DYNC1I1: variants seen among roughly 807,000 people sequenced by gnomAD.
The protein encoded by DYNC1I1 is dynein cytoplasmic 1 intermediate chain 1.
DYNC1I1 carries 43 observed loss-of-function variants against 86.6 expected under a neutral mutation model. The observed-to-expected ratio is 0.50, with a 90% CI of 0.39 to 0.64. DYNC1I1 has a LOEUF of 0.64. DYNC1I1 is among the 30% of genes least tolerant of loss of function. DYNC1I1 has a pLI of 0.00. For missense variants in DYNC1I1, 604 were observed against 788.8 expected, an observed-to-expected ratio of 0.77 and a Z score of 2.81; for synonymous variants, 262 against 283.7, an observed-to-expected ratio of 0.92 and a Z score of 0.77.
chr7:95,929,719 T>C (rs2116404765), intron 6 of DYNC1I1, among the ~76,000 whole-genome samples: 1 of 152,348 alleles, frequency 6.6e-6, no homozygotes, highest in African/African-American at 2.4e-5. Flanking sequence ...CATCATAGAT[T>C]AGTTATGCCC....
At chr7:96,045,347 G>A (rs548721614) in intron 14 of DYNC1I1, among the ~76,000 whole-genome samples, 6 of 152,302 alleles carry the variant, frequency 3.9e-5, no homozygotes, top group African/African-American at 1.4e-4. Flanking sequence ...GGAATTCACT[G>A]CAAATGAGGA....
chr7:95,935,145 T>C (rs1792005655), intron 6 of DYNC1I1, among the ~76,000 whole-genome samples: 1 of 151,958 alleles, frequency 6.6e-6, no homozygotes, highest in South Asian at 2.1e-4. Flanking sequence ...CCCCTCCCCC[T>C]CAGCCTGTTT....
At chr7:95,793,379 G>A (rs1453182725) in intron 1 of DYNC1I1, among the ~76,000 whole-genome samples, 3 of 152,112 alleles carry the variant, frequency 2.0e-5, no homozygotes, top group African/African-American at 7.2e-5. Flanking sequence ...AGGACTGGAT[G>A]AGAGGAAGTC....
intron 5 of DYNC1I1, among the ~76,000 whole-genome samples, chr7:95,861,137 A>C (rs1789866420): frequency 6.6e-6 from 1 of 152,050 alleles, no homozygotes; most frequent in Admixed American, 6.6e-5. Context: ...TTCTGATTCA[A>C]GCTCCTGCCT....
chr7:95,962,864 T>A (rs766689592), intron 6 of DYNC1I1, among the ~76,000 whole-genome samples: 8 of 152,180 alleles, frequency 5.3e-5, no homozygotes, highest in Non-Finnish European at 1.2e-4. Context: ...ATGGCACTAC[T>A]AATTACCCAG....
At chr7:95,879,297 T>C (rs1790389746) in intron 6 of DYNC1I1, among the ~76,000 whole-genome samples, 1 of 152,204 alleles carries the variant, frequency 6.6e-6, no homozygotes, top group Admixed American at 6.5e-5. Context: ...CTATAACTTA[T>C]AGAAAGGTAA....
chr7:95,872,418 A>G (rs1289579753), intron 6 of DYNC1I1, among the ~76,000 whole-genome samples: 5 of 152,182 alleles, frequency 3.3e-5, no homozygotes, highest in Admixed American at 3.3e-4. Context: ...CAAACTAATG[A>G]TCTCAGAGCA....
chr7:96,036,237 TC>T (rs1794924402), intron 13 of DYNC1I1, among the ~76,000 whole-genome samples: 1 of 152,140 alleles, frequency 6.6e-6, no homozygotes, highest in African/African-American at 2.4e-5. Context: ...AGAAAACCAC[TC>T]CCACCTTTAA....
At chr7:95,783,781 G>C (rs1291623770) in intron 1 of DYNC1I1, among the ~76,000 whole-genome samples, 2 of 152,170 alleles carry the variant, frequency 1.3e-5, no homozygotes, top group Non-Finnish European at 2.9e-5. Context: ...ATGACCTCTG[G>C]AAATAAGATT....
chr7:96,061,556 C>T (rs527283829), intron 14 of DYNC1I1, among the ~76,000 whole-genome samples: 1 of 152,182 alleles, frequency 6.6e-6, no homozygotes, highest in Admixed American at 6.5e-5. Context: ...GCAGTCATGC[C>T]AGGCAAGCAG....
chr7:95,916,764 C>G (rs996038655), intron 6 of DYNC1I1, among the ~76,000 whole-genome samples: 2 of 152,180 alleles, frequency 1.3e-5, no homozygotes, highest in Non-Finnish European at 2.9e-5. Flanking sequence ...AAAAAATGGC[C>G]AGTAGAGGGC....
intron 6 of DYNC1I1, among the ~76,000 whole-genome samples, chr7:95,955,802 A>G (rs1792695937): frequency 6.6e-6 from 1 of 152,230 alleles, no homozygotes; most frequent in Non-Finnish European, 1.5e-5. Context: ...CATAGCCTAC[A>G]GTAGTTTTCT....
At chr7:95,775,543 C>T (rs1793819202) in intron 1 of DYNC1I1, among the ~76,000 whole-genome samples, 1 of 152,212 alleles carries the variant, frequency 6.6e-6, no homozygotes, top group African/African-American at 2.4e-5. Flanking sequence ...GTTTGCTCTC[C>T]AATTTCAGTG....
chr7:95,863,195 T>C (rs1318859045), intron 5 of DYNC1I1, among the ~76,000 whole-genome samples: 1 of 152,284 alleles, frequency 6.6e-6, no homozygotes, highest in East Asian at 1.9e-4. Flanking sequence ...ATAGAAAGAA[T>C]GACATAATGA....
intron 10 of DYNC1I1, among the ~76,000 whole-genome samples, chr7:95,998,384 C>T (rs1264044835): frequency 6.6e-6 from 1 of 152,224 alleles, no homozygotes; most frequent in South Asian, 2.1e-4. Flanking sequence ...ATCGATTAGA[C>T]ATGGTTCTAG....
chr7:96,035,723 TAC>T lies in DYNC1I1; in HGVS notation c.1337_1338del (p.Thr446SerfsTer15). 6.2e-7 allele frequency: 1 copy of T among 1,611,458 alleles called. No individual in the cohort carries two copies. The highest frequency in any genetic ancestry group is 8.5e-7 in the Non-Finnish European group (1 of 1,178,948). ...NNFVVGSEEG[T>X]VYTACRHGSK... ...ACTTCGTGGTTGGCAGTGAGGAAGG[TAC>T]AGTCTACACGGCTTGTCGTCATGGA... On this transcript the variant is annotated frameshift_variant, in exon 13 of 17. Transcript: ENST00000447467. LOFTEE classifies it high-confidence loss of function.
chr7:95,913,900 T>C (rs1460579903), intron 6 of DYNC1I1, among the ~76,000 whole-genome samples: 1 of 152,218 alleles, frequency 6.6e-6, no homozygotes, highest in East Asian at 1.9e-4. Flanking sequence ...GGTAGCCCCA[T>C]CCTCATCCCA....
chr7:95,812,571 A>C (rs1192443618), intron 3 of DYNC1I1, among the ~76,000 whole-genome samples: 1 of 152,216 alleles, frequency 6.6e-6, no homozygotes. Flanking sequence ...AACAAGTCCC[A>C]AAGACAGTAA....
intron 1 of DYNC1I1, among the ~76,000 whole-genome samples, chr7:95,801,829 CTT>C (rs1314011959): frequency 1.3e-5 from 2 of 152,182 alleles, no homozygotes; most frequent in African/African-American, 4.8e-5. Context: ...CAGTGATAAA[CTT>C]CACTTTTGTG....
Sources: allele counts gnomAD v4.1 joint callset (sites outside exome capture counted in the v4.1 genomes callset), GRCh38; gene constraint gnomAD v4.1.1; transcripts MANE v1.5; gene names NCBI Gene and HGNC (gene_info 2026-07-23, HGNC 2026-07-21).